RARB: variants seen among roughly 807,000 people sequenced by gnomAD.
The protein encoded by RARB is HBV-activated protein.
A neutral mutation model predicts 51.9 loss-of-function variants in RARB; 17 were observed. That is an observed-to-expected ratio of 0.33 (90% CI 0.22 to 0.49). The LOEUF (loss-of-function observed/expected upper bound fraction) is 0.49. RARB is among the 20% of genes least tolerant of loss of function. RARB has a pLI of 0.99. For missense variants in RARB, 369 were observed against 550.8 expected (o/e 0.67, Z 3.30); for synonymous variants, 215 against 195.4 (o/e 1.10, Z -0.84).
intron 5 of RARB, among the ~76,000 whole-genome samples, chr3:25,264,722 G>A (rs1703085464): frequency 1.3e-5 from 2 of 151,832 alleles, no homozygotes; most frequent in African/African-American, 4.8e-5. Context: ...TAATAATATG[G>A]GAATATAACT....
At chr3:25,259,751 A>G (rs1702952373) in intron 5 of RARB, among the ~76,000 whole-genome samples, 1 of 152,172 alleles carries the variant, frequency 6.6e-6, no homozygotes, top group Non-Finnish European at 1.5e-5. Flanking sequence ...ATGTTAAAGC[A>G]TTTCTGAGTT....
intron 3 of RARB, among the ~76,000 whole-genome samples, chr3:25,557,375 A>G (rs1461005670): frequency 6.6e-6 from 1 of 152,192 alleles, no homozygotes; most frequent in Non-Finnish European, 1.5e-5. Flanking sequence ...TTTTCCATGG[A>G]TACCATTCCA....
chr3:25,014,330 G>A (rs1483327227), intron 2 of RARB, among the ~76,000 whole-genome samples: 1 of 152,034 alleles, frequency 6.6e-6, no homozygotes, highest in Non-Finnish European at 1.5e-5. Flanking sequence ...AAGAGTCTTG[G>A]AAGCTCCTGA....
At chr3:24,995,042 T>C (rs1379967111) in intron 2 of RARB, among the ~76,000 whole-genome samples, 1 of 152,128 alleles carries the variant, frequency 6.6e-6, no homozygotes, top group Non-Finnish European at 1.5e-5. Flanking sequence ...ATTGATGTTT[T>C]AAGAGGGGTT....
At chr3:25,535,404 C>T (rs993852441) in intron 3 of RARB, among the ~76,000 whole-genome samples, 3 of 142,460 alleles carry the variant, frequency 2.1e-5, no homozygotes, top group Admixed American at 7.1e-5. Context: ...TCTCTGTGTC[C>T]TTATCTCTTT....
rs568547290 is a variant in RARB at position 25,162,968 on chromosome 3, T to A, written c.-279-11151T>A. ...TGAAATTACTGGGTTATATGGTAGT[T>A]CCATGTTTAACTTTTTGAGGACCTG... is the stretch of plus-strand genomic sequence containing the variant. On this transcript the variant is annotated intron_variant, in intron 4 of 11. Coordinates refer to the RARB transcript ENST00000383772. Among the ~76,000 whole-genome samples, 6 of 152,338 alleles carry A rather than the reference T, an allele frequency of 3.9e-5. No individual in the cohort carries two copies. The South Asian group carries it at 1.0e-3, about 26-fold the overall frequency.
intron 2 of RARB, among the ~76,000 whole-genome samples, chr3:25,053,906 T>C (rs1237521711): frequency 6.6e-6 from 1 of 152,180 alleles, no homozygotes; most frequent in Non-Finnish European, 1.5e-5. Context: ...TCTTTTGAAA[T>C]GTATCTTTGG....
At chr3:25,135,084 C>A (rs1292372165) in intron 4 of RARB, among the ~76,000 whole-genome samples, 31 of 150,108 alleles carry the variant, frequency 2.1e-4, no homozygotes, top group Admixed American at 2.1e-3. Context: ...GTTTAATAGG[C>A]CTAGGACCAT....
At chr3:25,163,592 T>C (rs1385461368) in intron 4 of RARB, among the ~76,000 whole-genome samples, 1 of 151,072 alleles carries the variant, frequency 6.6e-6, no homozygotes, top group Non-Finnish European at 1.5e-5. Context: ...AATGTAGTGC[T>C]TTCTAACATT....
chr3:24,933,160 CAA>C (rs965639566), intron 2 of RARB, among the ~76,000 whole-genome samples: 15 of 151,786 alleles, frequency 9.9e-5, no homozygotes, highest in African/African-American at 3.4e-4. Flanking sequence ...TTTAAAAAAA[CAA>C]TAAAAATATG....
intron 5 of RARB, among the ~76,000 whole-genome samples, chr3:25,248,619 A>G (rs1419045955): frequency 6.6e-6 from 1 of 152,058 alleles, no homozygotes; most frequent in Non-Finnish European, 1.5e-5. Context: ...AGCATTTTTT[A>G]CAGGACAATA....
chr3:25,088,530 C>T (rs1699142118), intron 3 of RARB, among the ~76,000 whole-genome samples: 1 of 152,094 alleles, frequency 6.6e-6, no homozygotes, highest in Non-Finnish European at 1.5e-5. Flanking sequence ...TGTAGTGGAG[C>T]ATTCTCAAGG....
intron 3 of RARB, among the ~76,000 whole-genome samples, chr3:25,104,597 T>C (rs907591219): frequency 1.3e-5 from 2 of 152,220 alleles, no homozygotes; most frequent in African/African-American, 2.4e-5. Context: ...TGAGCTGAGA[T>C]TGTGCCACTG....
chr3:25,051,955 C>T (rs2125300046), intron 2 of RARB, among the ~76,000 whole-genome samples: 1 of 152,276 alleles, frequency 6.6e-6, no homozygotes, highest in East Asian at 1.9e-4. Context: ...CTCTCTCTAC[C>T]TCCCAAATAT....
intron 5 of RARB, among the ~76,000 whole-genome samples, chr3:25,257,215 C>G (rs757767301): frequency 6.6e-6 from 1 of 152,044 alleles, no homozygotes. Flanking sequence ...GAATGCAGAT[C>G]AAAGATTGTG....
chr3:25,496,725 T>C (rs575368477), intron 2 of RARB, among the ~76,000 whole-genome samples: 4 of 152,320 alleles, frequency 2.6e-5, no homozygotes, highest in Admixed American at 2.0e-4. Context: ...GAAGCATCCA[T>C]GTATGCTTAG....
At chr3:25,511,353 A>G (rs886734525) in intron 3 of RARB, among the ~76,000 whole-genome samples, 3 of 152,004 alleles carry the variant, frequency 2.0e-5, no homozygotes, top group Admixed American at 1.3e-4. Flanking sequence ...GGATGGTCTC[A>G]ATCTCCTGAC....
chr3:24,985,587 C>A (rs1401178572), intron 2 of RARB, among the ~76,000 whole-genome samples: 3 of 152,108 alleles, frequency 2.0e-5, no homozygotes, highest in Non-Finnish European at 4.4e-5. Flanking sequence ...ATGTCAAGAA[C>A]CCTTTGGTTT....
At chr3:24,900,609 T>C (rs552018625) in intron 2 of RARB, among the ~76,000 whole-genome samples, 1 of 152,186 alleles carries the variant, frequency 6.6e-6, no homozygotes, top group Non-Finnish European at 1.5e-5. Context: ...GCTTAATAAT[T>C]ATCTAATTTG....
Sources: gnomAD v4.1 joint callset for allele counts (sites outside exome capture counted in the v4.1 genomes callset) on GRCh38, gnomAD v4.1.1 for gene constraint, MANE v1.5 for transcripts, NCBI Gene and HGNC (gene_info 2026-07-23, HGNC 2026-07-21) for gene names.